The following NKAIN3 variants were observed in gnomAD, a reference collection of about 807,000 sequenced individuals.
The protein encoded by NKAIN3 is sodium/potassium transporting ATPase interacting 3, also known as sodium/potassium-transporting ATPase subunit beta-1-interacting protein 3.
Under a neutral mutation model 30.2 loss-of-function variants are expected in NKAIN3, and 25 were observed. The observed-to-expected ratio is 0.83, with a 90% confidence interval of 0.60 to 1.16. The LOEUF (loss-of-function observed/expected upper bound fraction) is 1.16. Among genes scored for constraint, NKAIN3 ranks in the 50% most tolerant of loss-of-function variants. The pLI is 0.00. For missense variants in NKAIN3, 225 were observed against 254.1 expected (o/e 0.89, Z 0.78); for synonymous variants, 91 against 89.6 (o/e 1.02, Z -0.09).
At chr8:62,840,010 G>A (rs777915079) in intron 4 of NKAIN3, among the ~76,000 whole-genome samples, 6 of 152,130 alleles carry the variant, frequency 3.9e-5, no homozygotes, top group Non-Finnish European at 8.8e-5. Flanking sequence ...GAGGATAGAA[G>A]TAAATTTTCT....
At chr8:62,388,048 G>A (rs1817481432) in intron 1 of NKAIN3, among the ~76,000 whole-genome samples, 1 of 152,138 alleles carries the variant, frequency 6.6e-6, no homozygotes, top group Admixed American at 6.5e-5. Context: ...TAATGACATT[G>A]TGGAGTGTAA....
intron 4 of NKAIN3, among the ~76,000 whole-genome samples, chr8:62,785,445 A>C (rs1485593646): frequency 6.6e-6 from 1 of 152,124 alleles, no homozygotes; most frequent in Non-Finnish European, 1.5e-5. Flanking sequence ...GGAGAGATGG[A>C]GAGTGACTGT....
chr8:62,617,433 T>G (rs1811492642), intron 3 of NKAIN3, among the ~76,000 whole-genome samples: 1 of 152,214 alleles, frequency 6.6e-6, no homozygotes, highest in South Asian at 2.1e-4. Context: ...TTGGAAGGAC[T>G]CTGACACTAG....
At position 62,978,091 on chromosome 8, in the gene NKAIN3, T is replaced by C. The variant is rs1902235; in HGVS notation, c.*12684T>C. The C allele has an allele frequency of 0.11, 17,419 of 164,612 alleles. 996 individuals are homozygous for C. Among genetic ancestry groups the C allele is most frequent in the South Asian group, 0.17 (863 of 5,074 alleles). The allele number at this position is 164,612 out of a possible 1,614,324, so 10.2% of individuals were successfully genotyped here. On this transcript the variant is annotated 3_prime_UTR_variant, in exon 7 of 7. Coordinates refer to ENST00000623646, the MANE Select transcript of NKAIN3 (RefSeq NM_001304533.3). ...TGCCTCCTCCTACTTCTGGAAGCTG[T>C]GTCCCAGAGGGGCACCTGCCAGATG...
chr8:62,643,216 C>T (rs539831751), intron 3 of NKAIN3, among the ~76,000 whole-genome samples: 3 of 152,076 alleles, frequency 2.0e-5, no homozygotes, highest in African/African-American at 7.2e-5. Context: ...CATTATTCTA[C>T]AAGTTAGATA....
At chr8:62,985,273 C>T (rs1359417193), downstream of NKAIN3, among the ~76,000 whole-genome samples, 4 of 152,238 alleles carry the variant, frequency 2.6e-5, no homozygotes, top group African/African-American at 7.2e-5. Flanking sequence ...CTTTTGATTC[C>T]ACAAGCAAAG....
intron 3 of NKAIN3, among the ~76,000 whole-genome samples, chr8:62,727,409 T>C (rs909608958): frequency 1.3e-5 from 2 of 151,774 alleles, no homozygotes; most frequent in African/African-American, 4.9e-5. Flanking sequence ...GAAATAAAAC[T>C]TTGTTCACAG....
At chr8:62,784,246 T>C (rs1332243470) in intron 4 of NKAIN3, among the ~76,000 whole-genome samples, 1 of 151,582 alleles carries the variant, frequency 6.6e-6, no homozygotes, top group Non-Finnish European at 1.5e-5. Context: ...AAACTATCCC[T>C]AAAGCAAGCA....
At chr8:62,684,290 G>C (rs1206507890) in intron 3 of NKAIN3, among the ~76,000 whole-genome samples, 2 of 152,200 alleles carry the variant, frequency 1.3e-5, no homozygotes, top group Admixed American at 1.3e-4. Flanking sequence ...AGCTAGGGAA[G>C]AAGTGTCAAT....
chr8:62,324,184 A>G lies in NKAIN3; in HGVS notation c.54+75057A>G, dbSNP rs1459370083. ...ACCACAATGTTGCTAAATCTTAATA[A>G]GAGTGTAATCTGAGGATCCAGGGGA... On this transcript the variant is annotated intron_variant, in intron 1 of 6. Coordinates refer to ENST00000623646, the MANE Select transcript of NKAIN3 (RefSeq NM_001304533.3). Among the ~76,000 whole-genome samples the G allele has an allele frequency of 3.3e-5, 5 of 152,094 alleles. No individual in the cohort carries two copies. In the South Asian group the frequency reaches 8.3e-4, roughly 25 times the overall value.
chr8:62,655,607 A>G (rs796245463), intron 3 of NKAIN3, among the ~76,000 whole-genome samples: 8 of 152,310 alleles, frequency 5.3e-5, no homozygotes, highest in African/African-American at 1.9e-4. Context: ...TAACTTCCAA[A>G]TTTCTAATTT....
chr8:62,752,625 C>G (rs999110707), intron 4 of NKAIN3, among the ~76,000 whole-genome samples: 1 of 152,140 alleles, frequency 6.6e-6, no homozygotes, highest in African/African-American at 2.4e-5. Context: ...TACAGTGGAA[C>G]AAAGATTTCA....
At chr8:62,540,961 C>A (rs150137756) in intron 1 of NKAIN3, among the ~76,000 whole-genome samples, 95 of 152,174 alleles carry the variant, frequency 6.2e-4, no homozygotes, top group African/African-American at 2.2e-3. Flanking sequence ...AAATTGTTTT[C>A]CCCTCAAATT....
At chr8:62,429,028 A>G (rs1444463028) in intron 1 of NKAIN3, among the ~76,000 whole-genome samples, 1 of 151,958 alleles carries the variant, frequency 6.6e-6, no homozygotes, top group Non-Finnish European at 1.5e-5. Flanking sequence ...ATAGGGGTCT[A>G]GCTTCATTCT....
intron 1 of NKAIN3, among the ~76,000 whole-genome samples, chr8:62,547,139 C>G (rs1809042102): frequency 6.6e-6 from 1 of 152,132 alleles, no homozygotes; most frequent in Non-Finnish European, 1.5e-5. Context: ...TCAGCAATTG[C>G]TATGATCAAA....
intron 3 of NKAIN3, among the ~76,000 whole-genome samples, chr8:62,669,404 G>A (rs1210195950): frequency 6.6e-6 from 1 of 152,074 alleles, no homozygotes; most frequent in East Asian, 1.9e-4. Flanking sequence ...CATCTTCATG[G>A]CACATGGTCT....
chr8:62,605,727 G>A (rs1811104856), intron 3 of NKAIN3, among the ~76,000 whole-genome samples: 1 of 152,096 alleles, frequency 6.6e-6, no homozygotes, highest in Non-Finnish European at 1.5e-5. Flanking sequence ...AAAGTATATG[G>A]AGGGTGTGCA....
intron 4 of NKAIN3, among the ~76,000 whole-genome samples, chr8:62,844,840 G>T (rs990535679): frequency 2.0e-5 from 3 of 151,972 alleles, no homozygotes; most frequent in Non-Finnish European, 4.4e-5. Context: ...GACTATCGGG[G>T]GCAGAAATAT....
At chr8:62,828,190 A>G (rs1819083561) in intron 4 of NKAIN3, among the ~76,000 whole-genome samples, 1 of 152,114 alleles carries the variant, frequency 6.6e-6, no homozygotes, top group Non-Finnish European at 1.5e-5. Context: ...TTTTTTTCAC[A>G]TTCTAGAAAA....
Sources: allele counts gnomAD v4.1 joint callset (sites outside exome capture counted in the v4.1 genomes callset), GRCh38; gene constraint gnomAD v4.1.1; transcripts MANE v1.5; gene names NCBI Gene and HGNC (gene_info 2026-07-23, HGNC 2026-07-21).